RBMS3: variants seen among roughly 807,000 people sequenced by gnomAD.
The protein encoded by RBMS3 is RNA binding motif single stranded interacting protein 3, also known as RNA-binding motif, single-stranded-interacting protein 3.
RBMS3 carries 27 observed loss-of-function variants against 66.8 expected under a neutral mutation model. That is an observed-to-expected ratio of 0.40 (90% CI 0.30 to 0.56). RBMS3 has a LOEUF of 0.56. Among genes scored for constraint, RBMS3 ranks in the 20% least tolerant of loss-of-function variants. The probability of loss-of-function intolerance (pLI) is 0.40; values close to 1 mark genes in which losing one functional copy is unlikely to be tolerated. For missense variants in RBMS3, 513 were observed against 549.5 expected (o/e 0.93, Z 0.66); for synonymous variants, 188 against 183.0 (o/e 1.03, Z -0.22).
At chr3:29,750,876 A>G (rs1203344544) in intron 5 of RBMS3, among the ~76,000 whole-genome samples, 1 of 152,238 alleles carries the variant, frequency 6.6e-6, no homozygotes, top group African/African-American at 2.4e-5. Context: ...AGTACAAATT[A>G]AAAGATAATT....
At chr3:29,790,141 A>T (rs1405005591) in intron 6 of RBMS3, among the ~76,000 whole-genome samples, 1 of 152,244 alleles carries the variant, frequency 6.6e-6, no homozygotes, top group Non-Finnish European at 1.5e-5. Flanking sequence ...AGAAGTAAAT[A>T]CAGCTCTCTT....
chr3:29,675,406 A>T (rs1350001873), intron 4 of RBMS3, among the ~76,000 whole-genome samples: 1 of 152,174 alleles, frequency 6.6e-6, no homozygotes, highest in Non-Finnish European at 1.5e-5. Context: ...CAATGGCAAA[A>T]AAAAGCCAAA....
chr3:29,945,329 C>G (rs1048154056), intron 12 of RBMS3, among the ~76,000 whole-genome samples: 7 of 151,586 alleles, frequency 4.6e-5, no homozygotes, highest in Non-Finnish European at 8.9e-5. Context: ...TTTTTAATTT[C>G]TTATAGCCTT....
At chr3:29,920,785 C>T (rs2060751865) in intron 10 of RBMS3, among the ~76,000 whole-genome samples, 1 of 146,562 alleles carries the variant, frequency 6.8e-6, no homozygotes, top group African/African-American at 2.6e-5. Flanking sequence ...ACCATCCTGG[C>T]TAACATGGCG....
chr3:29,361,711 A>G (rs2037601717), intron 1 of RBMS3, among the ~76,000 whole-genome samples: 1 of 151,950 alleles, frequency 6.6e-6, no homozygotes, highest in African/African-American at 2.4e-5. Flanking sequence ...TGGTCTTTTC[A>G]CATAGTCCCA....
At chr3:29,501,315 A>G (rs1159097612) in intron 3 of RBMS3, among the ~76,000 whole-genome samples, 1 of 152,132 alleles carries the variant, frequency 6.6e-6, no homozygotes, top group Non-Finnish European at 1.5e-5. Context: ...GTCAGTCTAT[A>G]TTTCCACTCT....
At chr3:29,619,485 T>C (rs781344943) in intron 4 of RBMS3, among the ~76,000 whole-genome samples, 4 of 152,146 alleles carry the variant, frequency 2.6e-5, no homozygotes, top group Non-Finnish European at 4.4e-5. Flanking sequence ...AGCATGGATA[T>C]AGGCATGTAG....
intron 1 of RBMS3, among the ~76,000 whole-genome samples, chr3:29,309,078 G>T (rs1490885772): frequency 6.6e-6 from 1 of 151,906 alleles, no homozygotes; most frequent in South Asian, 2.1e-4. Context: ...TCTGTTGAAA[G>T]TGAAAAGGAA....
At chr3:29,901,339 TC>T (rs1281453363) in intron 10 of RBMS3, among the ~76,000 whole-genome samples, 5 of 151,828 alleles carry the variant, frequency 3.3e-5, no homozygotes, top group African/African-American at 7.2e-5. Context: ...AAAAATGTGT[TC>T]ATCCGTAAAG....
chr3:29,975,584 G>GT lies in RBMS3; in HGVS notation c.1099-12553dup, dbSNP rs150698625. Among the ~76,000 whole-genome samples, 1,246 of 151,774 alleles carry GT rather than the reference G, an allele frequency of 8.2e-3. 22 individuals carry two copies. Among genetic ancestry groups the GT allele is most frequent in the African/African-American group, 0.029 (1,197 of 41,438 alleles). ...ATATATATAAATTTTTCATTGTCTTGTTTTTTAATAAAATTTTTAGAGATC... is the reference window on the plus strand; with the variant it reads ...ATATATATAAATTTTTCATTGTCTTGTTTTTTTAATAAAATTTTTAGAGATC... On this transcript the variant is annotated intron_variant, in intron 12 of 14. Coordinates refer to ENST00000383767, the MANE Select transcript of RBMS3 (RefSeq NM_001003793.3).
At chr3:29,655,002 CTT>C (rs1367832780) in intron 4 of RBMS3, among the ~76,000 whole-genome samples, 1 of 152,102 alleles carries the variant, frequency 6.6e-6, no homozygotes, top group Non-Finnish European at 1.5e-5. Flanking sequence ...AAACCACATG[CTT>C]CATTTCATAT....
intron 3 of RBMS3, among the ~76,000 whole-genome samples, chr3:29,494,951 A>G (rs1378847645): frequency 6.6e-6 from 1 of 151,656 alleles, no homozygotes; most frequent in African/African-American, 2.4e-5. Flanking sequence ...GAGGGTTTGA[A>G]ATACTCTCTT....
intron 3 of RBMS3, among the ~76,000 whole-genome samples, chr3:29,545,037 T>G (rs2045901833): frequency 6.6e-6 from 1 of 152,118 alleles, no homozygotes; most frequent in African/African-American, 2.4e-5. Flanking sequence ...ATAAAGATAT[T>G]ATCTGTAAGG....
At chr3:30,001,800 A>G (rs1699626656) in intron 14 of RBMS3, among the ~76,000 whole-genome samples, 1 of 150,684 alleles carries the variant, frequency 6.6e-6, no homozygotes. Flanking sequence ...TTTATTATTT[A>G]TTTTATTTAT....
intron 3 of RBMS3, among the ~76,000 whole-genome samples, chr3:29,583,759 C>A (rs2047413119): frequency 6.6e-6 from 1 of 152,098 alleles, no homozygotes; most frequent in South Asian, 2.1e-4. Context: ...TTGATCTTTC[C>A]TATCAATATT....
chr3:29,594,491 A>G (rs936162856), intron 4 of RBMS3, among the ~76,000 whole-genome samples: 15 of 152,178 alleles, frequency 9.9e-5, no homozygotes, highest in African/African-American at 3.6e-4. Flanking sequence ...GACTGATGCA[A>G]TGTAATGTAA....
intron 3 of RBMS3, among the ~76,000 whole-genome samples, chr3:29,571,846 CA>C (rs1357337642): frequency 3.3e-5 from 5 of 152,148 alleles, no homozygotes; most frequent in Non-Finnish European, 7.4e-5. Context: ...TGCATTGAAT[CA>C]GTAGATTGTT....
intron 4 of RBMS3, among the ~76,000 whole-genome samples, chr3:29,664,342 G>T (rs550054814): frequency 1.3e-5 from 2 of 152,068 alleles, no homozygotes; most frequent in Admixed American, 6.5e-5. Context: ...ACAAAAATTA[G>T]CTGGGTGTGG....
At chr3:29,955,258 A>G (rs1277141235) in intron 12 of RBMS3, among the ~76,000 whole-genome samples, 3 of 151,986 alleles carry the variant, frequency 2.0e-5, no homozygotes, top group African/African-American at 7.2e-5. Flanking sequence ...GAAAGGAGTC[A>G]GCGGGTTCTC....
Sources: allele counts gnomAD v4.1 joint callset (sites outside exome capture counted in the v4.1 genomes callset), GRCh38; gene constraint gnomAD v4.1.1; transcripts MANE v1.5; gene names NCBI Gene and HGNC (gene_info 2026-07-23, HGNC 2026-07-21).